Variants in ITGA1 observed in about 807,000 individuals in gnomAD.
ITGA1 encodes the protein integrin alpha-1.
In ITGA1, 85 loss-of-function variants were observed where a neutral mutation model predicts 145.9. The ratio of observed to expected loss-of-function variants is 0.58; its 90% CI spans 0.49 to 0.70. The LOEUF is 0.70. ITGA1 is among the 30% of genes least tolerant of loss of function. The pLI is 0.00. For missense variants in ITGA1, 1,351 were observed against 1,418.7 expected, an observed-to-expected ratio of 0.95 and a Z score of 0.77; for synonymous variants, 520 against 495.3, an observed-to-expected ratio of 1.05 and a Z score of -0.66.
At chr5:52,801,888 C>T (rs1748496243) in intron 1 of ITGA1, 1 of 1,371,344 alleles carries the variant, frequency 7.3e-7, no homozygotes, top group African/African-American at 1.4e-5. Flanking sequence ...TAAACTGTTA[C>T]AGTACATTTC....
intron 8 of ITGA1, among the ~76,000 whole-genome samples, chr5:52,891,567 A>T (rs76172072): frequency 6.6e-6 from 1 of 151,036 alleles, no homozygotes; most frequent in Non-Finnish European, 1.5e-5. Flanking sequence ...AAAAAAAAAA[A>T]AAAAAAAAAC....
chr5:52,898,403 A>G lies in ITGA1; in HGVS notation c.1309+20A>G. 2 of 1,562,138 alleles carry G rather than the reference A, an allele frequency of 1.3e-6. No individual in the cohort carries two copies. Among genetic ancestry groups the G allele is most frequent in the Non-Finnish European group, 1.7e-6 (2 of 1,155,288 alleles). ...ATTTAGGTAAGGTTTGGATATAATT[A>G]TAAAAGAGTTGTTTTACTTTTCCAT... is the stretch of plus-strand genomic sequence containing the variant. On this transcript the variant is annotated intron_variant, in intron 11 of 28. Transcript: ENST00000282588.
chr5:52,926,597 A>T (rs1750814942), intron 19 of ITGA1, among the ~76,000 whole-genome samples: 1 of 151,898 alleles, frequency 6.6e-6, no homozygotes, highest in Non-Finnish European at 1.5e-5. Flanking sequence ...GGAGAACAAG[A>T]CTCTGTCTCA....
rs1310089823 is a variant in ITGA1, at chr5:52,882,027, T to C, written c.773+6T>C. 1 of 1,563,994 alleles carries C rather than the reference T, an allele frequency of 6.4e-7. No individual in the cohort carries two copies. The highest frequency in any genetic ancestry group is 1.9e-5 in the Admixed American group (1 of 51,588). Reference sequence around the variant, plus strand: ...CTTGGAATAGACACAGCAAGGTATATGGATAAAAAAATAAACTAAAGTAAA... The same window carrying C: ...CTTGGAATAGACACAGCAAGGTATACGGATAAAAAAATAAACTAAAGTAAA... On this transcript the variant is annotated splice_donor_region_variant and intron_variant, in intron 7 of 28. Transcript: ENST00000282588.
rs1255705642 is a variant in ITGA1 at position 52,808,079 on chromosome 5, G to A, written c.61+19665G>A. ...AGTGGATTCTGAAACACTGTCAAAAGAAAAAAAGCCTAGAGTATTATAGAG... is the reference window on the plus strand; with the variant it reads ...AGTGGATTCTGAAACACTGTCAAAAAAAAAAAAGCCTAGAGTATTATAGAG... On this transcript the variant is annotated intron_variant, in intron 1 of 28. Transcript: ENST00000282588. 1.6e-4 allele frequency among the ~76,000 whole-genome samples: 24 copies of A among 152,002 alleles called. No individual in the cohort carries two copies. The East Asian group carries it at 4.6e-3, about 29-fold the overall frequency.
At chr5:52,857,188 T>C (rs773904055) in intron 2 of ITGA1, among the ~76,000 whole-genome samples, 2 of 152,182 alleles carry the variant, frequency 1.3e-5, no homozygotes, top group Non-Finnish European at 2.9e-5. Context: ...AAAGTCGTGT[T>C]GCAAAAGTGT....
At chr5:52,792,417 TTTTG>T (rs1362905319) in intron 1 of ITGA1, among the ~76,000 whole-genome samples, 1 of 152,208 alleles carries the variant, frequency 6.6e-6, no homozygotes, top group African/African-American at 2.4e-5. Flanking sequence ...TTCACGGGAT[TTTTG>T]TTTGTTTAGT....
intron 1 of ITGA1, among the ~76,000 whole-genome samples, chr5:52,822,817 T>C (rs1179553677): frequency 2.6e-5 from 4 of 152,200 alleles, no homozygotes; most frequent in Non-Finnish European, 5.9e-5. Flanking sequence ...TGTGAGATAG[T>C]GGACTGGGAA....
At chr5:52,889,186 CA>C (rs36011754) in intron 8 of ITGA1, among the ~76,000 whole-genome samples, 16,661 of 151,920 alleles carry the variant, frequency 0.11, 1,343 homozygotes, top group African/African-American at 0.23. Context: ...CTGCAACCTC[CA>C]ACCTCCCAGG....
At chr5:52,801,681 G>T in intron 1 of ITGA1, 1 of 1,614,154 alleles carries the variant, frequency 6.2e-7, no homozygotes. Flanking sequence ...TGAGGCTGGT[G>T]GACAGTGTGA....
At chr5:52,819,865 T>C (rs906321994) in intron 1 of ITGA1, among the ~76,000 whole-genome samples, 21 of 152,210 alleles carry the variant, frequency 1.4e-4, no homozygotes, top group Non-Finnish European at 2.6e-4. Context: ...TTTCTACATA[T>C]GGCTAGCCAG....
chr5:52,882,940 A>G (rs1749981627), intron 7 of ITGA1: 1 of 152,230 alleles, frequency 6.6e-6, no homozygotes, highest in African/African-American at 2.4e-5. Flanking sequence ...TGTTTTAAGA[A>G]GGTTAAAAAA....
intron 1 of ITGA1, among the ~76,000 whole-genome samples, chr5:52,799,647 T>G (rs963606812): frequency 3.3e-5 from 5 of 152,308 alleles, no homozygotes; most frequent in Admixed American, 2.0e-4. Context: ...ACGTGACCAG[T>G]AGTTCTCAGA....
chr5:52,872,931 T>C (rs930515514), intron 6 of ITGA1, among the ~76,000 whole-genome samples: 1 of 152,206 alleles, frequency 6.6e-6, no homozygotes, highest in African/African-American at 2.4e-5. Flanking sequence ...TTACTGCTCT[T>C]ATCACTCAGT....
chr5:52,887,609 G>A (rs1016027585), intron 7 of ITGA1, among the ~76,000 whole-genome samples: 2 of 152,120 alleles, frequency 1.3e-5, no homozygotes, highest in Non-Finnish European at 2.9e-5. Flanking sequence ...TTAGCAAAAC[G>A]GAGACCTCTC....
intron 1 of ITGA1, among the ~76,000 whole-genome samples, chr5:52,827,795 A>C (rs906229120): frequency 6.6e-6 from 1 of 152,212 alleles, no homozygotes; most frequent in Non-Finnish European, 1.5e-5. Context: ...TTAATCAATA[A>C]ATTATTTTAA....
At chr5:52,855,680 T>C (rs1749501915) in intron 2 of ITGA1, among the ~76,000 whole-genome samples, 2 of 152,118 alleles carry the variant, frequency 1.3e-5, no homozygotes, top group Admixed American at 1.3e-4. Context: ...AGAGAGTGGA[T>C]TGAGAATGCT....
At chr5:52,853,047 T>TTA (rs1189895842) in intron 2 of ITGA1, among the ~76,000 whole-genome samples, 1 of 152,170 alleles carries the variant, frequency 6.6e-6, no homozygotes, top group Non-Finnish European at 1.5e-5. Flanking sequence ...AGACTTTACA[T>TTA]ATTAATATGT....
rs551317329 is a variant in ITGA1 at position 52,956,318 on chromosome 5, G to C, written c.*3867G>C. On this transcript the variant is annotated 3_prime_UTR_variant, in exon 29 of 29. Transcript: ENST00000282588. ...GAGCCTGTCTCATGTGCCAGGTGCA[G>C]TCACATTATTGTTAAAATAAAGTGG... 1 of 152,322 alleles carries C rather than the reference G, an allele frequency of 6.6e-6. No homozygotes were observed. The highest frequency in any genetic ancestry group is 1.9e-4 in the East Asian group (1 of 5,180). 9.4% of individuals were successfully genotyped at this position (152,322 alleles called of 1,614,324 possible).
Sources: allele counts gnomAD v4.1 joint callset (sites outside exome capture counted in the v4.1 genomes callset), GRCh38; gene constraint gnomAD v4.1.1; transcripts MANE v1.5; gene names NCBI Gene and HGNC (gene_info 2026-07-23, HGNC 2026-07-21).